RNF220: variants seen among roughly 807,000 people sequenced by gnomAD.
The protein encoded by RNF220 is ring finger protein 220.
A neutral mutation model predicts 67.1 loss-of-function variants in RNF220; 7 were observed. That is an observed-to-expected ratio of 0.10 (90% CI 0.06 to 0.20). The LOEUF (loss-of-function observed/expected upper bound fraction) is 0.20, where lower values mean the gene tolerates loss of function less well. RNF220 is among the 10% of genes least tolerant of loss of function. The probability of loss-of-function intolerance (pLI) is 1.00; values close to 1 mark genes in which losing one functional copy is unlikely to be tolerated. For synonymous variants in RNF220, 270 were observed against 283.2 expected, an observed-to-expected ratio of 0.95 and a Z score of 0.47; for missense variants, 565 against 740.3, an observed-to-expected ratio of 0.76 and a Z score of 2.75.
intron 2 of RNF220, among the ~76,000 whole-genome samples, chr1:44,507,460 T>G (rs1347377913): frequency 5.7e-5 from 8 of 140,720 alleles, no homozygotes; most frequent in South Asian, 2.3e-4. Context: ...TGATTGGGGG[T>G]GGGGTGAAGG....
chr1:44,528,595 C>T (rs1198733492), intron 2 of RNF220, among the ~76,000 whole-genome samples: 7 of 143,856 alleles, frequency 4.9e-5, no homozygotes, highest in East Asian at 2.1e-4. Context: ...CCACTGCGCC[C>T]GGCCCTGCAA....
At chr1:44,615,051 G>A (rs1389748140) in intron 3 of RNF220, among the ~76,000 whole-genome samples, 1 of 152,158 alleles carries the variant, frequency 6.6e-6, no homozygotes, top group Non-Finnish European at 1.5e-5. Context: ...TGTGAAGGCT[G>A]CTTCCCTCAC....
intron 2 of RNF220, among the ~76,000 whole-genome samples, chr1:44,602,650 G>T (rs1330550600): frequency 6.6e-6 from 1 of 151,528 alleles, no homozygotes; most frequent in African/African-American, 2.4e-5. Context: ...ACTGACTCCC[G>T]ACTCCACCCC....
intron 2 of RNF220, among the ~76,000 whole-genome samples, chr1:44,467,200 TCA>T (rs1654350556): frequency 6.6e-6 from 1 of 152,136 alleles, no homozygotes. Context: ...TCTGCTAGCT[TCA>T]AACTTTTTTT....
At chr1:44,505,794 G>A (rs188126798) in intron 2 of RNF220, among the ~76,000 whole-genome samples, 3 of 152,244 alleles carry the variant, frequency 2.0e-5, no homozygotes, top group East Asian at 1.9e-4. Context: ...CAAATTGAAG[G>A]GCTGAGCATG....
intron 2 of RNF220, among the ~76,000 whole-genome samples, chr1:44,567,972 T>A (rs1300374985): frequency 6.6e-6 from 1 of 152,142 alleles, no homozygotes; most frequent in Non-Finnish European, 1.5e-5. Context: ...TGTCCAAAGC[T>A]GAACTATGTG....
chr1:44,413,508 C>A (rs1386719846), intron 2 of RNF220, among the ~76,000 whole-genome samples: 1 of 152,184 alleles, frequency 6.6e-6, no homozygotes, highest in Non-Finnish European at 1.5e-5. Flanking sequence ...TGGAACTAAA[C>A]CTTTATTTGG....
chr1:44,497,108 C>G (rs983289669), intron 2 of RNF220, among the ~76,000 whole-genome samples: 1 of 152,136 alleles, frequency 6.6e-6, no homozygotes, highest in Non-Finnish European at 1.5e-5. Context: ...TCCCTAGATG[C>G]TAAGCAACGG....
intron 2 of RNF220, among the ~76,000 whole-genome samples, chr1:44,574,863 G>GTT (rs5773842): frequency 3.3e-4 from 50 of 150,028 alleles, no homozygotes; most frequent in African/African-American, 1.1e-3. Flanking sequence ...TTGCATTTGT[G>GTT]TTTTTTTTTT....
chr1:44,414,701 A>T (rs1363276717), intron 2 of RNF220, among the ~76,000 whole-genome samples: 1 of 152,098 alleles, frequency 6.6e-6, no homozygotes, highest in Non-Finnish European at 1.5e-5. Context: ...TGGAATTCTG[A>T]CCTTGAAATT....
Position 44,622,701 on chromosome 1 carries a change from A to C in RNF220, c.759-41A>C. On this transcript the variant is annotated intron_variant, in intron 3 of 14. Transcript: ENST00000361799. This position sits in a 1 kb window ranked among gnomAD's most constrained non-coding sequence, Gnocchi z 4.3. ...TACTCTACCGTTGCATGCCCTGGGCAGCAGGTAGAATGGTTACCCTGTTCT... is the reference window on the plus strand; with the variant it reads ...TACTCTACCGTTGCATGCCCTGGGCCGCAGGTAGAATGGTTACCCTGTTCT... 3.8e-6 allele frequency: 6 copies of C among 1,585,358 alleles called. No homozygotes were observed. Among genetic ancestry groups the C allele is most frequent in the Non-Finnish European group, 5.2e-6 (6 of 1,153,920 alleles).
At chr1:44,574,730 C>T (rs1377004292) in intron 2 of RNF220, among the ~76,000 whole-genome samples, 1 of 152,190 alleles carries the variant, frequency 6.6e-6, no homozygotes, top group Admixed American at 6.5e-5. Context: ...GATGTCACTG[C>T]CTTTGAGAAG....
At chr1:44,451,215 A>G (rs1652647991) in intron 2 of RNF220, among the ~76,000 whole-genome samples, 1 of 151,944 alleles carries the variant, frequency 6.6e-6, no homozygotes, top group Admixed American at 6.6e-5. Flanking sequence ...AAAAGACTGT[A>G]CTTGTTTACA....
rs1245018371 is a variant in RNF220, at chr1:44,417,425, C to T, written c.625+4703C>T. On this transcript the variant is annotated intron_variant, in intron 2 of 14. Transcript: ENST00000361799. The surrounding 1 kb of genome is among the most constrained non-coding windows in gnomAD (Gnocchi z 4.0). Reference sequence around the variant, plus strand: ...GGGCCAGGCTGGACGGGAGCAGTCCCTGATGGCTGCAGAGCCATCTGGCCT... The same window carrying T: ...GGGCCAGGCTGGACGGGAGCAGTCCTTGATGGCTGCAGAGCCATCTGGCCT... Among the ~76,000 whole-genome samples the T allele has an allele frequency of 6.6e-6, 1 of 152,242 alleles. No individual in the cohort carries two copies. Among genetic ancestry groups the T allele is most frequent in the African/African-American group, 2.4e-5 (1 of 41,464 alleles).
intron 2 of RNF220, among the ~76,000 whole-genome samples, chr1:44,476,197 G>A (rs1655287516): frequency 6.6e-6 from 1 of 152,092 alleles, no homozygotes; most frequent in Admixed American, 6.6e-5. Flanking sequence ...TTCTGTGGGT[G>A]GGATGGGGAA....
Position 44,649,720 on chromosome 1 carries a change from T to C in RNF220, c.1505T>C (p.Leu502Pro), listed in dbSNP as rs1383817767. The C allele has an allele frequency of 1.2e-6, 2 of 1,613,862 alleles. No homozygotes were observed. Among genetic ancestry groups the C allele is most frequent in the Non-Finnish European group, 1.7e-6 (2 of 1,179,964 alleles). ...FEALKARVRE[L>P]ERQLSRGDRY... Reference sequence around the variant, plus strand: ...GCTCTGAAGGCTCGGGTCAGAGAACTTGAACGGCAGCTATCTCGTGGGGAC... The same window carrying C: ...GCTCTGAAGGCTCGGGTCAGAGAACCTGAACGGCAGCTATCTCGTGGGGAC... Residue 502 changes from leucine to proline, a missense_variant, in exon 13 of 15, where the codon CTT (leucine) becomes CCT (proline). Transcript: ENST00000361799. The surrounding 1 kb of genome is among the most constrained non-coding windows in gnomAD (Gnocchi z 5.9).
At chr1:44,518,592 C>G (rs1447373857) in intron 2 of RNF220, among the ~76,000 whole-genome samples, 1 of 151,928 alleles carries the variant, frequency 6.6e-6, no homozygotes, top group Non-Finnish European at 1.5e-5. Context: ...AAAAACAATC[C>G]TGGGCCGGGC....
intron 1 of RNF220, among the ~76,000 whole-genome samples, chr1:44,407,172 C>G (rs1409065301): frequency 6.6e-6 from 1 of 152,110 alleles, no homozygotes; most frequent in African/African-American, 2.4e-5. Context: ...CCCACTGGCC[C>G]GGGAGCCGCC....
rs761324755 is a variant in RNF220, at chr1:44,483,196, G to A, written c.625+70474G>A. Among the ~76,000 whole-genome samples the A allele has an allele frequency of 3.3e-5, 5 of 152,020 alleles. No homozygotes were observed. In the South Asian group the frequency reaches 6.2e-4, roughly 19 times the overall value. ...TCCTCCCGACTTAGCCTCCCAAAGC[G>A]CCAGGATTGCAGGCATGAACTACCA... On this transcript the variant is annotated intron_variant, in intron 2 of 14. Coordinates refer to ENST00000361799, the MANE Select transcript of RNF220 (RefSeq NM_018150.4).
Sources: allele counts gnomAD v4.1 joint callset (sites outside exome capture counted in the v4.1 genomes callset), GRCh38; gene constraint gnomAD v4.1.1; non-coding constraint Gnocchi (gnomAD v3.1); transcripts MANE v1.5; gene names NCBI Gene and HGNC (gene_info 2026-07-23, HGNC 2026-07-21).